Variants in OR1J2 observed in about 807,000 individuals in gnomAD.
The protein encoded by OR1J2 is olfactory receptor family 1 subfamily J member 2.
For synonymous variants in OR1J2, 142 were observed against 99.7 expected (o/e 1.42, Z -2.52); for missense variants, 304 against 246.1 (o/e 1.24, Z -1.57).
chr9:122,572,424 T>C, the OR1J2 span, among the ~76,000 whole-genome samples: 1 of 152,170 alleles, frequency 6.6e-6, no homozygotes, highest in Non-Finnish European at 1.5e-5. Context: ...GTTTGGATGC[T>C]CCAGACTGTA....
At chr9:122,459,367 A>C in the OR1J2 span, among the ~76,000 whole-genome samples, 1 of 152,202 alleles carries the variant, frequency 6.6e-6, no homozygotes, top group Non-Finnish European at 1.5e-5. Context: ...AGGAATTTAC[A>C]TATGTTTCTA....
upstream of OR1J2, chr9:122,510,716 T>C: frequency 1.2e-6 from 1 of 818,534 alleles, no homozygotes; most frequent in Non-Finnish European, 2.0e-6. Flanking sequence ...AAAACGTACA[T>C]CTTTTAATAT....
the OR1J2 span, among the ~76,000 whole-genome samples, chr9:122,532,066 C>T: frequency 1.3e-5 from 1 of 79,772 alleles, no homozygotes; most frequent in Non-Finnish European, 2.7e-5. Context: ...ATTTGCCAGT[C>T]CTGGGTGGGA....
the OR1J2 span, among the ~76,000 whole-genome samples, chr9:122,479,094 A>G: frequency 2.3e-4 from 35 of 152,172 alleles, no homozygotes; most frequent in African/African-American, 7.2e-4. Flanking sequence ...TTGAATATCA[A>G]TGTGTAGCGC....
the OR1J2 span, among the ~76,000 whole-genome samples, chr9:122,502,344 A>G: frequency 3.3e-4 from 50 of 152,278 alleles, no homozygotes; most frequent in African/African-American, 1.1e-3. Flanking sequence ...GTGTAATGCA[A>G]TTTATACTGC....
the OR1J2 span, among the ~76,000 whole-genome samples, chr9:122,502,149 G>C: frequency 6.6e-6 from 1 of 152,220 alleles, no homozygotes; most frequent in Non-Finnish European, 1.5e-5. Flanking sequence ...TAAAAATTCT[G>C]ATAGTTGAAG....
chr9:122,562,734 T>A, the OR1J2 span, among the ~76,000 whole-genome samples: 1 of 152,184 alleles, frequency 6.6e-6, no homozygotes. Flanking sequence ...ATTCAACTTT[T>A]TAAAAATCCC....
the OR1J2 span, among the ~76,000 whole-genome samples, chr9:122,495,096 G>A: frequency 3.3e-5 from 5 of 152,060 alleles, no homozygotes; most frequent in African/African-American, 9.7e-5. Flanking sequence ...ACCTGATGCT[G>A]TTGCCTCACA....
the OR1J2 span, among the ~76,000 whole-genome samples, chr9:122,490,047 G>A: frequency 1.2e-4 from 18 of 152,150 alleles, no homozygotes; most frequent in East Asian, 1.2e-3. Context: ...AACAGTGCAC[G>A]GCTGAGCAAA....
chr9:122,580,084 A>T, the OR1J2 span, among the ~76,000 whole-genome samples: 1 of 152,216 alleles, frequency 6.6e-6, no homozygotes, highest in South Asian at 2.1e-4. Context: ...AATTGGTCAC[A>T]AAAAGTGGAC....
At chr9:122,572,130 A>T in the OR1J2 span, among the ~76,000 whole-genome samples, 1 of 152,100 alleles carries the variant, frequency 6.6e-6, no homozygotes, top group African/African-American at 2.4e-5. Flanking sequence ...GTGAAAACTC[A>T]CTCACTAACA....
chr9:122,553,143 A>G, the OR1J2 span: 450 of 1,540,168 alleles, frequency 2.9e-4, 2 homozygotes, highest in African/African-American at 5.2e-3. Flanking sequence ...ATATCTGTAA[A>G]TTGATCTAAT....
At chr9:122,506,887 A>G (rs916048242), upstream of OR1J2, among the ~76,000 whole-genome samples, 1 of 152,194 alleles carries the variant, frequency 6.6e-6, no homozygotes, top group Admixed American at 6.5e-5. Context: ...GGATCCTGAC[A>G]TAGAAAACCA....
the OR1J2 span, among the ~76,000 whole-genome samples, chr9:122,502,533 A>G: frequency 6.6e-6 from 1 of 152,326 alleles, no homozygotes; most frequent in African/African-American, 2.4e-5. Flanking sequence ...TGGTTGCTGC[A>G]AGAGCAGCCA....
the OR1J2 span, among the ~76,000 whole-genome samples, chr9:122,522,980 T>C: frequency 2.0e-5 from 3 of 152,260 alleles, no homozygotes; most frequent in Non-Finnish European, 4.4e-5. Context: ...ATAATAATTC[T>C]ACATATATAC....
chr9:122,574,552 C>A, the OR1J2 span, among the ~76,000 whole-genome samples: 2 of 152,084 alleles, frequency 1.3e-5, no homozygotes, highest in African/African-American at 4.8e-5. Flanking sequence ...ATTTTGCACT[C>A]TTGCTGTAAT....
the OR1J2 span, chr9:122,448,968 T>A: frequency 9.6e-6 from 1 of 104,452 alleles, no homozygotes. Context: ...CAAGACGCCG[T>A]GTCTACAAAA....
chr9:122,568,303 G>A, the OR1J2 span: 1 of 1,614,134 alleles, frequency 6.2e-7, no homozygotes, highest in Non-Finnish European at 8.5e-7. Context: ...AAATACATAG[G>A]GGTCTGAAGA....
At chr9:122,553,719 G>C in the OR1J2 span, 2 of 1,613,940 alleles carry the variant, frequency 1.2e-6, no homozygotes, top group Non-Finnish European at 1.7e-6. Context: ...GACCCGCGTG[G>C]CTTTCTGTGC....
Sources: allele counts gnomAD v4.1 joint callset (sites outside exome capture counted in the v4.1 genomes callset), GRCh38; gene constraint gnomAD v4.1.1; transcripts MANE v1.5; gene names NCBI Gene and HGNC (gene_info 2026-07-23, HGNC 2026-07-21).